Variants in PNPLA6 observed in about 807,000 individuals in gnomAD.
The protein encoded by PNPLA6 is patatin-like phospholipase domain-containing protein 6.
Under a neutral mutation model 153.7 loss-of-function variants are expected in PNPLA6, and 105 were observed. The ratio of observed to expected loss-of-function variants is 0.68; its 90% CI spans 0.58 to 0.80. PNPLA6 has a LOEUF of 0.80. Ranked by LOEUF, PNPLA6 falls within the 30% of genes least tolerant of loss-of-function variation. The probability of loss-of-function intolerance (pLI) is 0.00; values close to 1 mark genes in which losing one functional copy is unlikely to be tolerated. For synonymous variants in PNPLA6, 825 were observed against 822.2 expected (o/e 1.00, Z -0.06); for missense variants, 1,423 against 1,919.3 (o/e 0.74, Z 4.83).
At position 7,554,618 on chromosome 19, in the gene PNPLA6, C is replaced by T. The variant is rs770688190; in HGVS notation, c.2529C>T (p.Leu843=). The T allele has an allele frequency of 2.5e-6, 4 of 1,614,114 alleles. No individual in the cohort carries two copies. Among genetic ancestry groups the T allele is most frequent in the African/African-American group, 1.3e-5 (1 of 75,050 alleles). Reference sequence around the variant, plus strand: ...AGGAGGATGCACACCGTATCGTACTCTACCAGACGGACGCCTCGCTGACGC... The same window carrying T: ...AGGAGGATGCACACCGTATCGTACTTTACCAGACGGACGCCTCGCTGACGC... ...AQQEDAHRIV[L]YQTDASLTPW... Residue 843 remains leucine (L), a synonymous_variant, in exon 21 of 32, where the codon CTC becomes CTT. Transcript: ENST00000600737.
At chr19:7,549,733 C>T in intron 13 of PNPLA6, 174 bp from the exon 14 acceptor site, 1 of 672,728 alleles carries the variant, frequency 1.5e-6, no homozygotes, top group Non-Finnish European at 2.6e-6. Flanking sequence ...GTGATCCCCC[C>T]TGCCTGGCCT....
At position 7,548,405 on chromosome 19, in the gene PNPLA6, CAAA is replaced by C. The variant is rs111556976; in HGVS notation, c.1609-1488_1609-1486del. 2.1e-3 allele frequency among the ~76,000 whole-genome samples: 309 copies of C among 145,196 alleles called. 2 individuals are homozygous for C. In the East Asian group the frequency reaches 0.027, roughly 13 times the overall value. On this transcript the variant is annotated intron_variant, in intron 13 of 31. Coordinates refer to ENST00000600737, the MANE Select transcript of PNPLA6 (RefSeq NM_001166114.2). The stretch of plus-strand genomic sequence containing the variant: ...TGATGAGCTAAAAGAAAAAAAATCG[CAAA>C]AAAAAAAAAAAAATCTCATAATGTT...
In PNPLA6 at chr19:7,561,539, C is replaced by T. The variant is rs2024102148; in HGVS notation, c.4075C>T (p.Pro1359Ser). Reference sequence around the variant, plus strand: ...ACGACGCTGTCTGCCCCAGGAGCCGCCCGGCTCAGCCACAGATGCCTGAGG... The same window carrying T: ...ACGACGCTGTCTGCCCCAGGAGCCGTCCGGCTCAGCCACAGATGCCTGAGG... ...RQRRCLPQEP[P>S]GSATDA Residue 1359 changes from proline to serine, a missense_variant, in exon 32 of 32, where the codon CCC (proline) becomes TCC (serine). Transcript: ENST00000600737. 6.2e-7 allele frequency: 1 copy of T among 1,606,046 alleles called. No individual in the cohort carries two copies. Among genetic ancestry groups the T allele is most frequent in the Non-Finnish European group, 8.5e-7 (1 of 1,177,504 alleles).
upstream of PNPLA6, chr19:7,535,450 G>A (rs2022806241): frequency 8.2e-7 from 1 of 1,221,188 alleles, no homozygotes; most frequent in Non-Finnish European, 1.2e-6. The surrounding 1 kb of genome is among the most constrained non-coding windows in gnomAD (Gnocchi z 5.0). Context: ...TTGAGGCAGG[G>A]GAGAGGTGGG....
intron 28 of PNPLA6, among the ~76,000 whole-genome samples, chr19:7,560,046 A>G (rs561531508): frequency 4.0e-4 from 61 of 151,308 alleles, no homozygotes; most frequent in African/African-American, 1.5e-3. Context: ...AGGCTGCAGC[A>G]GGAGAAATCG....
chr19:7,560,146 AT>A (rs1197308487), intron 28 of PNPLA6, among the ~76,000 whole-genome samples: 1 of 152,192 alleles, frequency 6.6e-6, no homozygotes, highest in Non-Finnish European at 1.5e-5. Context: ...GTCTCAAAAA[AT>A]AATATTAATT....
At chr19:7,542,702 C>T in intron 11 of PNPLA6, 32 bp downstream of exon 11, 1 of 1,612,064 alleles carries the variant, frequency 6.2e-7, no homozygotes, top group Non-Finnish European at 8.5e-7. Flanking sequence ...GGTGGTGGAG[C>T]CCGCAGGGGA....
intron 3 of PNPLA6, among the ~76,000 whole-genome samples, chr19:7,537,747 T>G (rs991719488): frequency 6.6e-6 from 1 of 152,176 alleles, no homozygotes; most frequent in Non-Finnish European, 1.5e-5. Context: ...GTTCAAAAGA[T>G]TCTCCTGCCT....
chr19:7,554,823 C>T, intron 21 of PNPLA6, 70 bp from the exon 22 acceptor site: 1 of 1,569,522 alleles, frequency 6.4e-7, no homozygotes, highest in Non-Finnish European at 8.6e-7. Flanking sequence ...TGGGGGTAGG[C>T]GATCAGGGAC....
chr19:7,539,565 C>T (rs1199156764), intron 3 of PNPLA6, among the ~76,000 whole-genome samples: 1 of 151,180 alleles, frequency 6.6e-6, no homozygotes, highest in Non-Finnish European at 1.5e-5. Flanking sequence ...CGAGACCAGC[C>T]TGCCCAACAT....
chr19:7,561,185 T>G lies in PNPLA6; in HGVS notation c.3914-23T>G. 6.3e-7 allele frequency: 1 copy of G among 1,594,240 alleles called. No individual in the cohort carries two copies. Among genetic ancestry groups the G allele is most frequent in the South Asian group, 1.1e-5 (1 of 89,056 alleles). ...GCAGGCCAGCCCCAATCCCCTCACC[T>G]GTGCCCTGCTCCCCGATTCCAGGAG... On this transcript the variant is annotated intron_variant, in intron 30 of 31. Coordinates refer to ENST00000600737, the MANE Select transcript of PNPLA6 (RefSeq NM_001166114.2).
chr19:7,550,468 G>C, intron 15 of PNPLA6, 39 bp downstream of exon 15: 1 of 1,612,372 alleles, frequency 6.2e-7, no homozygotes, highest in Non-Finnish European at 8.5e-7. Context: ...CGGCCTAGGG[G>C]TGGGGACCTG....
chr19:7,557,031 C>A, intron 26 of PNPLA6, 137 bp from the exon 27 acceptor site: 1 of 822,028 alleles, frequency 1.2e-6, no homozygotes, highest in South Asian at 1.3e-5. Flanking sequence ...ACTGTGCGAC[C>A]CCAAGGACGG....
intron 3 of PNPLA6, among the ~76,000 whole-genome samples, chr19:7,536,926 CAAAAAAAAAAA>C (rs56310906): frequency 2.0e-4 from 11 of 53,982 alleles, no homozygotes; most frequent in African/African-American, 5.8e-4. Flanking sequence ...GACTCTGTCT[CAAAAAAAAAAA>C]AAAAAAAAAA....
chr19:7,544,322 G>A (rs1305808979), intron 13 of PNPLA6, among the ~76,000 whole-genome samples: 1 of 151,078 alleles, frequency 6.6e-6, no homozygotes. Context: ...ATGTTGGCCA[G>A]CCTTGTCTCA....
intron 14 of PNPLA6, 69 bp from the exon 15 acceptor site, chr19:7,550,229 C>G (rs2023583346): frequency 1.2e-6 from 2 of 1,609,936 alleles, no homozygotes; most frequent in Non-Finnish European, 1.7e-6. Flanking sequence ...GCCCCCAGAT[C>G]TGGCCTCCCA....
rs1044663246 is a variant in PNPLA6 at position 7,557,345 on chromosome 19, C to T, written c.3397+61C>T. 1.0e-4 allele frequency: 107 copies of T among 1,030,892 alleles called. 1 individual carries two copies. The East Asian group carries it at 2.0e-3, about 19-fold the overall frequency. 63.9% of individuals were successfully genotyped at this position (1,030,892 alleles called of 1,614,324 possible). On this transcript the variant is annotated intron_variant, in intron 27 of 31. Coordinates refer to ENST00000600737, the MANE Select transcript of PNPLA6 (RefSeq NM_001166114.2). ...ACCTCCCGCACCACACACACGCACA[C>T]GCGTGGGCACACACAGACAGGCTCG...
Position 7,541,237 on chromosome 19 carries a change from T to C in PNPLA6, c.925-117T>C. 1 of 1,111,912 alleles carries C rather than the reference T, an allele frequency of 9.0e-7. No individual in the cohort carries two copies. The allele number at this position is 1,111,912 out of a possible 1,614,324, so 68.9% of individuals were successfully genotyped here. A position where few individuals can be genotyped will look rare whatever the true frequency, so the allele number is the denominator to read the frequency against. ...GCTGCCTCGCCCCATTTCCCCAGAC[T>C]GTGGGTCTCTCCCTGGTTCCCGCCC... On this transcript the variant is annotated intron_variant, in intron 7 of 31. Coordinates refer to ENST00000600737, the MANE Select transcript of PNPLA6 (RefSeq NM_001166114.2). This position sits in a 1 kb window ranked among gnomAD's most constrained non-coding sequence, Gnocchi z 5.2.
chr19:7,537,268 C>T (rs2022922443), intron 3 of PNPLA6, among the ~76,000 whole-genome samples: 1 of 152,152 alleles, frequency 6.6e-6, no homozygotes, highest in South Asian at 2.1e-4. Flanking sequence ...CCTAAAGGGG[C>T]TATCTCCAGC....
Sources: allele counts gnomAD v4.1 joint callset (sites outside exome capture counted in the v4.1 genomes callset), GRCh38; gene constraint gnomAD v4.1.1; non-coding constraint Gnocchi (gnomAD v3.1); transcripts MANE v1.5; gene names NCBI Gene and HGNC (gene_info 2026-07-23, HGNC 2026-07-21).